The following TULP4 variants were observed in gnomAD, a reference collection of about 807,000 sequenced individuals.
TULP4 encodes TUB like protein 4.
TULP4 carries 16 observed loss-of-function variants against 129.0 expected under a neutral mutation model. The observed-to-expected ratio is 0.12, with a 90% CI of 0.08 to 0.19. The LOEUF (loss-of-function observed/expected upper bound fraction) is 0.19. Ranked by LOEUF, TULP4 falls within the 10% of genes least tolerant of loss-of-function variation. TULP4 has a pLI of 1.00. For synonymous variants in TULP4, 998 were observed against 854.0 expected (o/e 1.17, Z -2.94); for missense variants, 1,842 against 2,059.1 (o/e 0.89, Z 2.04).
chr6:158,365,891 TTTTCTTTC>T (rs1265736807), intron 1 of TULP4, among the ~76,000 whole-genome samples: 1 of 129,860 alleles, frequency 7.7e-6, no homozygotes, highest in African/African-American at 2.8e-5. Context: ...TTTTTTTTCT[TTTTCTTTC>T]TTTTTTTTTT....
chr6:158,391,094 GATGAAA>G (rs1461966322), intron 1 of TULP4, among the ~76,000 whole-genome samples: 1 of 152,032 alleles, frequency 6.6e-6, no homozygotes, highest in African/African-American at 2.4e-5. Context: ...ATAATAATAA[GATGAAA>G]ATGAAGAAAT....
intron 1 of TULP4, among the ~76,000 whole-genome samples, chr6:158,255,768 C>T (rs1018011088): frequency 6.6e-6 from 1 of 152,186 alleles, no homozygotes; most frequent in Non-Finnish European, 1.5e-5. Flanking sequence ...TTATTGTTTA[C>T]ACCAATTTAA....
chr6:158,351,586 A>G (rs1780521491), intron 1 of TULP4, among the ~76,000 whole-genome samples: 1 of 151,982 alleles, frequency 6.6e-6, no homozygotes, highest in Non-Finnish European at 1.5e-5. Flanking sequence ...TCCCTTTTAT[A>G]ACTGTATTTG....
At chr6:158,303,006 A>G (rs937178278) in intron 1 of TULP4, among the ~76,000 whole-genome samples, 10 of 149,976 alleles carry the variant, frequency 6.7e-5, no homozygotes, top group Admixed American at 2.7e-4. Flanking sequence ...GAGGAAGGCC[A>G]TAAATTAGAG....
upstream of TULP4, among the ~76,000 whole-genome samples, chr6:158,309,684 C>T (rs562182086): frequency 4.6e-5 from 7 of 152,246 alleles, no homozygotes; most frequent in Admixed American, 2.6e-4. Flanking sequence ...CGGTTAGGAG[C>T]TGGAGACCAG....
At chr6:158,358,797 A>G (rs1163250305) in intron 1 of TULP4, among the ~76,000 whole-genome samples, 1 of 152,250 alleles carries the variant, frequency 6.6e-6, no homozygotes, top group Non-Finnish European at 1.5e-5. Context: ...AAAAGCAGTA[A>G]CATTTGATTT....
chr6:158,371,761 G>T (rs1777074775), intron 1 of TULP4, among the ~76,000 whole-genome samples: 1 of 152,184 alleles, frequency 6.6e-6, no homozygotes. Flanking sequence ...TCAGAGTAGA[G>T]GCCATTTGAA....
intron 1 of TULP4, among the ~76,000 whole-genome samples, chr6:158,406,972 C>A (rs562149723): frequency 1.3e-5 from 2 of 152,292 alleles, no homozygotes; most frequent in South Asian, 2.1e-4. Flanking sequence ...GGGCTTTGAC[C>A]ACAGATCTGT....
intron 11 of TULP4, among the ~76,000 whole-genome samples, chr6:158,497,009 C>G (rs777555211): frequency 6.6e-5 from 10 of 152,168 alleles, no homozygotes; most frequent in Non-Finnish European, 1.5e-4. Flanking sequence ...TGCCACCATG[C>G]CCAGCTAATT....
At chr6:158,491,390 GTTC>G (rs1780194322) in intron 9 of TULP4, among the ~76,000 whole-genome samples, 7 of 146,766 alleles carry the variant, frequency 4.8e-5, no homozygotes, top group East Asian at 2.0e-4. Context: ...AGTTATAAGA[GTTC>G]TTTCTTTCTT....
At chr6:158,261,376 G>A (rs1778349094) in intron 1 of TULP4, among the ~76,000 whole-genome samples, 1 of 152,184 alleles carries the variant, frequency 6.6e-6, no homozygotes, top group South Asian at 2.1e-4. Flanking sequence ...AAGCATAAGC[G>A]CTACAAGTAC....
chr6:158,504,329 T>C (rs141147384), intron 13 of TULP4, 151 bp downstream of exon 13: 106 of 665,906 alleles, frequency 1.6e-4, no homozygotes, highest in Non-Finnish European at 2.4e-4. Context: ...TGGTTTTTAG[T>C]GTGCCCACTG....
In TULP4 at chr6:158,479,733, C is replaced by A; in HGVS notation, c.1027-18C>A. ...AGAGCAAAAGCTTAAGCATTGTCTT[C>A]CCTTCACTTCCTGCCAGCGCCCCAT... On this transcript the variant is annotated intron_variant, in intron 6 of 13. Coordinates refer to ENST00000367097, the MANE Select transcript of TULP4 (RefSeq NM_020245.5). The A allele has an allele frequency of 1.9e-6, 3 of 1,608,582 alleles. No homozygotes were observed. Among genetic ancestry groups the A allele is most frequent in the South Asian group, 2.2e-5 (2 of 90,870 alleles).
chr6:158,452,488 A>G (rs1468606452), intron 5 of TULP4, among the ~76,000 whole-genome samples: 1 of 152,196 alleles, frequency 6.6e-6, no homozygotes, highest in Non-Finnish European at 1.5e-5. Flanking sequence ...CCTGACATTC[A>G]GTCTTTGTCT....
intron 1 of TULP4, among the ~76,000 whole-genome samples, chr6:158,286,217 T>G (rs1778833729): frequency 6.6e-6 from 1 of 152,354 alleles, no homozygotes; most frequent in Middle Eastern, 3.4e-3. Context: ...TTTGTGCTAG[T>G]TAAGCTTTAA....
chr6:158,284,563 C>T (rs1310063929), intron 1 of TULP4, among the ~76,000 whole-genome samples: 2 of 152,206 alleles, frequency 1.3e-5, no homozygotes, highest in East Asian at 3.8e-4. Context: ...CTGCTTGATT[C>T]GTTCATTCCT....
chr6:158,468,335 G>A (rs1779599128), intron 6 of TULP4, among the ~76,000 whole-genome samples: 1 of 152,274 alleles, frequency 6.6e-6, no homozygotes, highest in East Asian at 1.9e-4. Context: ...AAAGGGATCA[G>A]GCCGCCTTCA....
intron 1 of TULP4, among the ~76,000 whole-genome samples, chr6:158,268,601 G>A (rs943926439): frequency 2.0e-5 from 3 of 152,096 alleles, no homozygotes; most frequent in Non-Finnish European, 2.9e-5. Flanking sequence ...GCCCCACCTC[G>A]TAATGCTATT....
At chr6:158,421,796 G>T (rs1012200617) in intron 2 of TULP4, among the ~76,000 whole-genome samples, 1 of 152,074 alleles carries the variant, frequency 6.6e-6, no homozygotes, top group South Asian at 2.1e-4. Flanking sequence ...GTAATGTTAC[G>T]CCAGAGTGAG....
Sources: gnomAD v4.1 joint callset for allele counts (sites outside exome capture counted in the v4.1 genomes callset) on GRCh38, gnomAD v4.1.1 for gene constraint, MANE v1.5 for transcripts, NCBI Gene and HGNC (gene_info 2026-07-23, HGNC 2026-07-21) for gene names.